GDPD4: variants seen among roughly 807,000 people sequenced by gnomAD.
The protein encoded by GDPD4 is glycerophosphodiester phosphodiesterase domain containing 4, also known as glycerophosphodiester phosphodiesterase 6.
GDPD4 carries 60 observed loss-of-function variants against 67.8 expected under a neutral mutation model. The observed-to-expected ratio is 0.88, with a 90% confidence interval of 0.72 to 1.10. The LOEUF (loss-of-function observed/expected upper bound fraction) is 1.10. Among genes scored for constraint, GDPD4 ranks in the 50% least tolerant of loss-of-function variants. The pLI, the probability that GDPD4 is intolerant of heterozygous loss-of-function variation, is 0.00. For synonymous variants in GDPD4, 212 were observed against 210.9 expected (o/e 1.00, Z -0.04); for missense variants, 623 against 613.9 (o/e 1.01, Z -0.16).
At chr11:77,247,751 T>C (rs1374581870) in intron 11 of GDPD4, among the ~76,000 whole-genome samples, 2 of 151,706 alleles carry the variant, frequency 1.3e-5, no homozygotes, top group Non-Finnish European at 2.9e-5. Context: ...ATAATATTGG[T>C]TAAGAAATAG....
intron 1 of GDPD4, among the ~76,000 whole-genome samples, chr11:77,300,473 T>C (rs1565552680): frequency 1.3e-5 from 2 of 151,940 alleles, no homozygotes; most frequent in Non-Finnish European, 2.9e-5. Context: ...CCCAATCACC[T>C]AGTCTCTAAG....
chr11:77,267,611 A>G (rs1388184148), intron 10 of GDPD4, among the ~76,000 whole-genome samples: 1 of 152,198 alleles, frequency 6.6e-6, no homozygotes, highest in African/African-American at 2.4e-5. Context: ...TGACATATCT[A>G]CACATGTATT....
chr11:77,291,384 G>A (rs1937772035), intron 1 of GDPD4, among the ~76,000 whole-genome samples: 2 of 152,098 alleles, frequency 1.3e-5, no homozygotes, highest in African/African-American at 4.8e-5. Context: ...GGGTTGCAGG[G>A]GGATGAAGAA....
intron 11 of GDPD4, among the ~76,000 whole-genome samples, chr11:77,254,633 A>G (rs1465035229): frequency 6.6e-6 from 1 of 152,054 alleles, no homozygotes; most frequent in African/African-American, 2.4e-5. Flanking sequence ...TGAAAATTAT[A>G]TTTTTATCAT....
chr11:77,245,370 G>T lies in GDPD4; in HGVS notation c.997C>A (p.His333Asn). ...KERKFVIFDL[H>N]RPPPKHPLRH... ...AGAGGATGTTTTGGTGGAGGGCGATGAAGATCAAATATCACAAATTTTCTT... is the reference window on the plus strand; with the variant it reads ...AGAGGATGTTTTGGTGGAGGGCGATTAAGATCAAATATCACAAATTTTCTT... The change falls in exon 12 of 17, where the codon CAT becomes AAT. Residue 333 changes from histidine to asparagine, a missense_variant. Transcript: ENST00000315938. 1 of 1,614,160 alleles carries T rather than the reference G, an allele frequency of 6.2e-7. No individual in the cohort carries two copies.
At chr11:77,242,595 T>C (rs1489740439) in intron 13 of GDPD4, among the ~76,000 whole-genome samples, 1 of 151,924 alleles carries the variant, frequency 6.6e-6, no homozygotes, top group Non-Finnish European at 1.5e-5. Context: ...CACATAATAA[T>C]AGCTCAATAA....
At chr11:77,299,623 T>C (rs1209179306) in intron 1 of GDPD4, among the ~76,000 whole-genome samples, 1 of 152,234 alleles carries the variant, frequency 6.6e-6, no homozygotes, top group Non-Finnish European at 1.5e-5. Flanking sequence ...ATGACTTGGC[T>C]TTCCTTCATG....
intron 1 of GDPD4, among the ~76,000 whole-genome samples, chr11:77,297,869 G>A (rs1260617174): frequency 6.6e-6 from 1 of 152,136 alleles, no homozygotes; most frequent in Non-Finnish European, 1.5e-5. Context: ...ATAAGTCAAA[G>A]CTATCATTGA....
At chr11:77,231,454 G>C (rs888540312) in intron 14 of GDPD4, among the ~76,000 whole-genome samples, 2 of 152,052 alleles carry the variant, frequency 1.3e-5, no homozygotes, top group African/African-American at 2.4e-5. Context: ...AAGACCTCTG[G>C]GACACCAGCC....
At chr11:77,272,507 G>A (rs983791775) in intron 5 of GDPD4, among the ~76,000 whole-genome samples, 21 of 152,076 alleles carry the variant, frequency 1.4e-4, no homozygotes, top group African/African-American at 4.6e-4. Context: ...TGGGAGCAGC[G>A]GCTCCCATCT....
At chr11:77,271,080 C>T in intron 7 of GDPD4, 50 bp downstream of exon 7, 1 of 1,320,342 alleles carries the variant, frequency 7.6e-7, no homozygotes. Context: ...AGTATGCAAG[C>T]TAAAGCCAGA....
chr11:77,236,064 A>C (rs968866425), intron 13 of GDPD4, among the ~76,000 whole-genome samples: 16 of 152,148 alleles, frequency 1.1e-4, no homozygotes, highest in African/African-American at 3.9e-4. Flanking sequence ...GTGATCAAAA[A>C]ACCCCACAAG....
intron 3 of GDPD4, among the ~76,000 whole-genome samples, chr11:77,281,246 C>G (rs1295024339): frequency 6.6e-6 from 1 of 152,172 alleles, no homozygotes; most frequent in African/African-American, 2.4e-5. Flanking sequence ...TTTCTCACAG[C>G]TGTAAGATGC....
At position 77,267,825 on chromosome 11, in the gene GDPD4, A is replaced by G. The variant is rs541386472; in HGVS notation, c.707+632T>C. Among the ~76,000 whole-genome samples, 7 of 152,000 alleles carry G rather than the reference A, an allele frequency of 4.6e-5. No individual in the cohort carries two copies. In the East Asian group the frequency reaches 1.2e-3, roughly 25 times the overall value. On this transcript the variant is annotated intron_variant, in intron 10 of 16. Coordinates refer to ENST00000315938, the MANE Select transcript of GDPD4 (RefSeq NM_182833.3). ...AGCTTTTCAGAATGAATTCCCTGGA[A>G]TTTTCTCCTTCCCCCATCTCTGCTT...
At chr11:77,279,536 C>CTTTTTTTTTTTTTTTTTTTTT in intron 3 of GDPD4, 137 bp from the exon 4 acceptor site, 1 of 525,328 alleles carries the variant, frequency 1.9e-6, no homozygotes. Context: ...TGAACAGCAG[C>CTTTTTTTTTTTTTTTTTTTTT]TTTTGCGGAT....
chr11:77,278,534 C>T (rs1292950081), intron 4 of GDPD4, among the ~76,000 whole-genome samples: 2 of 152,202 alleles, frequency 1.3e-5, no homozygotes, highest in African/African-American at 2.4e-5. Context: ...ATACTCAGCA[C>T]TTCTCACAAC....
chr11:77,264,409 A>G (rs907917074), intron 10 of GDPD4, among the ~76,000 whole-genome samples: 2 of 152,248 alleles, frequency 1.3e-5, no homozygotes, highest in South Asian at 4.1e-4. Context: ...CTTTACAACT[A>G]TATTATCACA....
chr11:77,240,391 G>A (rs947529776), intron 13 of GDPD4, among the ~76,000 whole-genome samples: 2 of 152,160 alleles, frequency 1.3e-5, no homozygotes, highest in Non-Finnish European at 2.9e-5. Context: ...ATGAGGAAAG[G>A]ATAATCTCTT....
chr11:77,231,039 A>G (rs555161344), intron 14 of GDPD4, among the ~76,000 whole-genome samples: 1 of 152,150 alleles, frequency 6.6e-6, no homozygotes, highest in Non-Finnish European at 1.5e-5. Flanking sequence ...CTCTAGACAA[A>G]TGAACAAGGC....
Sources: allele counts gnomAD v4.1 joint callset (sites outside exome capture counted in the v4.1 genomes callset), GRCh38; gene constraint gnomAD v4.1.1; transcripts MANE v1.5; gene names NCBI Gene and HGNC (gene_info 2026-07-23, HGNC 2026-07-21).